ITGB7: variants seen among roughly 807,000 people sequenced by gnomAD.
The protein encoded by ITGB7 is integrin subunit beta 7, also known as integrin beta-7.
In ITGB7, 55 loss-of-function variants were observed where a neutral mutation model predicts 83.4. That is an observed-to-expected ratio of 0.66 (90% CI 0.53 to 0.83). The LOEUF is 0.83. Ranked by LOEUF, ITGB7 falls within the 40% of genes least tolerant of loss-of-function variation. The pLI is 0.00. For synonymous variants in ITGB7, 454 were observed against 423.6 expected, an observed-to-expected ratio of 1.07 and a Z score of -0.88; for missense variants, 921 against 1,046.7, an observed-to-expected ratio of 0.88 and a Z score of 1.66.
chr12:53,193,605 C>T lies in ITGB7; in HGVS notation c.1502+103G>A, dbSNP rs143314023. On this transcript the variant is annotated intron_variant, in intron 11 of 15. Transcript: ENST00000267082. ...GAAACTGAGTGGGGAGTCGGGATGT[C>T]GAGGAGACTCCTGTGGGGGGGATGG... The T allele has an allele frequency of 6.9e-4, 727 of 1,052,750 alleles. 3 individuals are homozygous for T. In the African/African-American group the frequency reaches 0.01, roughly 15 times the overall value. 65.2% of individuals were successfully genotyped at this position (1,052,750 alleles called of 1,614,324 possible).
chr12:53,192,643 A>C (rs200271691), intron 13 of ITGB7, 48 bp downstream of exon 13: 1 of 1,600,900 alleles, frequency 6.2e-7, no homozygotes, highest in Non-Finnish European at 8.5e-7. Flanking sequence ...GTAGCTCAAC[A>C]AGCCCCACTG....
chr12:53,206,938 A>G (rs1425376682), intron 1 of ITGB7: 2 of 152,300 alleles, frequency 1.3e-5, no homozygotes, highest in Non-Finnish European at 2.9e-5. Flanking sequence ...GCACTCATAT[A>G]CATCCCTGCC....
rs1258934194 is a variant in ITGB7, at chr12:53,192,420, T to C, written c.2065A>G (p.Lys689Glu). Reference sequence around the variant, plus strand: ...AGCTGGTTGTCCAGGGTCCGCTCTTTGCACCAGCCATCATCCAAGATAGGG... The same window carrying C: ...AGCTGGTTGTCCAGGGTCCGCTCTTCGCACCAGCCATCATCCAAGATAGGG... ...LAPILDDGWC[K>E]ERTLDNQLFF... The change falls in exon 14 of 16, where the codon AAA becomes GAA. Residue 689 changes from lysine to glutamate, a missense_variant. Lys to Glu is a moderately conservative substitution (Grantham distance 56, BLOSUM62 1). Transcript: ENST00000267082. 1 of 1,613,994 alleles carries C rather than the reference T, an allele frequency of 6.2e-7. No individual in the cohort carries two copies. The highest frequency in any genetic ancestry group is 1.3e-5 in the African/African-American group (1 of 74,958).
chr12:53,195,426 TC>T lies in ITGB7; in HGVS notation c.1108del (p.Glu370SerfsTer2), dbSNP rs1942123826. 1.9e-6 allele frequency: 3 copies of T among 1,613,860 alleles called. No individual in the cohort carries two copies. The highest frequency in any genetic ancestry group is 2.5e-6 in the Non-Finnish European group (3 of 1,179,898). ...SKLIPKSAVG[E>X]LSEDSSNVVQ... ...CACGTTGCTGGAGTCCTCACTCAGC[TC>T]CCCAACTGCAGACTTAGGAATCAGT... On this transcript the variant is annotated frameshift_variant, in exon 9 of 16. Coordinates refer to ENST00000267082, the MANE Select transcript of ITGB7 (RefSeq NM_000889.3). LOFTEE classifies it high-confidence loss of function.
chr12:53,201,687 G>A (rs1437578273), intron 1 of ITGB7, among the ~76,000 whole-genome samples: 2 of 151,798 alleles, frequency 1.3e-5, no homozygotes, highest in African/African-American at 4.8e-5. Flanking sequence ...AAATTTATAT[G>A]GAATTGCTCG....
chr12:53,197,735 C>A lies in ITGB7; in HGVS notation c.403+15G>T. The A allele has an allele frequency of 6.3e-7, 1 of 1,585,538 alleles. No homozygotes were observed. Among genetic ancestry groups the A allele is most frequent in the East Asian group, 2.3e-5 (1 of 42,806 alleles). ...AGCCTAGACCTCTGGCCTGGCCCCG[C>A]CTCCCCTAACTCACCAGGCCGCAGC... is the stretch of plus-strand genomic sequence containing the variant. On this transcript the variant is annotated intron_variant, in intron 4 of 15. Transcript: ENST00000267082.
At position 53,191,840 on chromosome 12, in the gene ITGB7, AACCAGGAAGTCTCCTC is replaced by A. The variant is rs760789507; in HGVS notation, c.2316+3_2316+18del. On this transcript the variant is annotated splice_donor_5th_base_variant and intron_variant, in intron 15 of 15. Transcript: ENST00000267082. ...TGGGGGAACAGCTAAAAAGGGGCCTAACCAGGAAGTCTCCTCACCTGCTTCCAGTTGAGTTGTTGCT... is the reference window on the plus strand; with the variant it reads ...TGGGGGAACAGCTAAAAAGGGGCCTAACCTGCTTCCAGTTGAGTTGTTGCT... 81 of 1,613,424 alleles carry A rather than the reference AACCAGGAAGTCTCCTC, an allele frequency of 5.0e-5. No homozygotes were observed. In the African/African-American group the frequency reaches 8.9e-4, roughly 18 times the overall value.
Position 53,192,538 on chromosome 12 carries a change from C to T in ITGB7, c.1947G>A (p.Arg649=), listed in dbSNP as rs1378986903. The change falls in exon 14 of 16, where the codon CGG becomes CGA. Residue 649 remains arginine (R), a splice_region_variant and synonymous_variant. Transcript: ENST00000267082. ...PGCKTPCERH[R]DCAECGAFRT... The stretch of plus-strand genomic sequence containing the variant: ...TGAAGGCCCCACACTCTGCACAGTC[C>T]CTGTGTAGTAGATGCCAATAGGTTA... 1 of 1,613,722 alleles carries T rather than the reference C, an allele frequency of 6.2e-7. No homozygotes were observed.
intron 1 of ITGB7, among the ~76,000 whole-genome samples, chr12:53,206,432 C>T (rs755688041): frequency 6.6e-6 from 1 of 152,178 alleles, no homozygotes; most frequent in Admixed American, 6.5e-5. Context: ...GCTGTGCTTT[C>T]TCCTTTCCTC....
chr12:53,200,726 C>T (rs569578472), intron 2 of ITGB7, among the ~76,000 whole-genome samples: 4 of 152,046 alleles, frequency 2.6e-5, no homozygotes, highest in Admixed American at 1.3e-4. Context: ...CTCAGGAATT[C>T]GAAACCAGCC....
chr12:53,203,436 T>C (rs1484863411), intron 1 of ITGB7, among the ~76,000 whole-genome samples: 1 of 151,610 alleles, frequency 6.6e-6, no homozygotes, highest in African/African-American at 2.4e-5. Context: ...TCACTTGAGG[T>C]CAGGAGTTCA....
rs980559517 is a variant in ITGB7, at chr12:53,197,811, G to A, written c.342C>T (p.Gly114=). 2.1e-5 allele frequency: 33 copies of A among 1,539,384 alleles called. No homozygotes were observed. Among genetic ancestry groups the A allele is most frequent in the Non-Finnish European group, 2.5e-5 (29 of 1,147,692 alleles). The change falls in exon 4 of 16, where the codon GGC becomes GGT. Residue 114 remains glycine, a synonymous_variant. Coordinates refer to ENST00000267082, the MANE Select transcript of ITGB7 (RefSeq NM_000889.3). ...EVLQDQPLSQ[G]ARGEGATQLA... ...GCTGGGTGGCACCCTCTCCGCGGGC[G>A]CCCTGGCTGAGCGGCTGGTCCTGCA...
At position 53,201,478 on chromosome 12, in the gene ITGB7, A is replaced by G. The variant is rs61761307; in HGVS notation, c.-126-284T>C. 5.8e-4 allele frequency among the ~76,000 whole-genome samples: 89 copies of G among 152,330 alleles called. 3 individuals are homozygous for G. The East Asian group carries it at 0.011, about 18-fold the overall frequency. ...TCTACTTTCTGTACTTTGCACAAAG[A>G]TAATCTAGATTGAAGAAAGAGCCTG... On this transcript the variant is annotated intron_variant, in intron 1 of 15. Transcript: ENST00000267082.
chr12:53,204,076 G>A (rs183075830), intron 1 of ITGB7, among the ~76,000 whole-genome samples: 64 of 152,152 alleles, frequency 4.2e-4, no homozygotes, highest in Non-Finnish European at 4.6e-4. Flanking sequence ...ACGTTATTTG[G>A]CCATAAAAAG....
intron 8 of ITGB7, 50 bp downstream of exon 8, chr12:53,195,576 G>T: frequency 6.4e-7 from 1 of 1,559,050 alleles, no homozygotes; most frequent in South Asian, 1.1e-5. Context: ...TGGGGGAATT[G>T]AGAAAGGTTG....
At chr12:53,194,777 C>G in intron 9 of ITGB7, 1 of 174,606 alleles carries the variant, frequency 5.7e-6, no homozygotes, top group Non-Finnish European at 1.2e-5. Context: ...TATCAAGAAG[C>G]CTACAGCCTA....
chr12:53,195,302 C>T, intron 9 of ITGB7, 72 bp downstream of exon 9: 3 of 1,091,798 alleles, frequency 2.7e-6, no homozygotes, highest in Non-Finnish European at 4.2e-6. Flanking sequence ...GTTCTGCCAC[C>T]CCACCCAAGG....
chr12:53,196,330 C>T, intron 6 of ITGB7, 131 bp from the exon 7 acceptor site: 2 of 1,142,290 alleles, frequency 1.8e-6, no homozygotes, highest in South Asian at 3.0e-5. Context: ...CCTCCAGTAC[C>T]TTGCTTCTCC....
chr12:53,199,180 C>G (rs1369997076), intron 3 of ITGB7, among the ~76,000 whole-genome samples: 1 of 152,186 alleles, frequency 6.6e-6, no homozygotes, highest in African/African-American at 2.4e-5. Flanking sequence ...ATCTAACCCT[C>G]CATCTTACAC....
Sources: allele counts gnomAD v4.1 joint callset (sites outside exome capture counted in the v4.1 genomes callset), GRCh38; gene constraint gnomAD v4.1.1; transcripts MANE v1.5; gene names NCBI Gene and HGNC (gene_info 2026-07-23, HGNC 2026-07-21).